Variants in RASGEF1B observed in about 807,000 individuals in gnomAD.
RASGEF1B encodes ras-GEF domain-containing family member 1B.
Under a neutral mutation model 65.7 loss-of-function variants are expected in RASGEF1B, and 30 were observed. That is an observed-to-expected ratio of 0.46 (90% CI 0.34 to 0.62). The LOEUF is 0.62. Among genes scored for constraint, RASGEF1B ranks in the 20% least tolerant of loss-of-function variants. RASGEF1B has a pLI of 0.01. For synonymous variants in RASGEF1B, 175 were observed against 194.8 expected (o/e 0.90, Z 0.85); for missense variants, 495 against 580.1 (o/e 0.85, Z 1.51).
chr4:81,444,909 A>C (rs1721966713), intron 8 of RASGEF1B, among the ~76,000 whole-genome samples: 1 of 152,228 alleles, frequency 6.6e-6, no homozygotes, highest in African/African-American at 2.4e-5. Flanking sequence ...ACAAACTAGG[A>C]CACTTTTTAA....
rs147063099 is a variant in RASGEF1B, at chr4:81,440,246, A to G, written c.1104+588T>C. On this transcript the variant is annotated intron_variant, in intron 10 of 13. Transcript: ENST00000264400. ...CAAAATGTGCCAAGAAAGGACCCTC[A>G]GAATCAAGAATATGGTAGATGCAGG... Among the ~76,000 whole-genome samples, 1,087 of 152,306 alleles carry G rather than the reference A, an allele frequency of 7.1e-3. 12 individuals carry two copies. Among genetic ancestry groups the G allele is most frequent in the African/African-American group, 0.024 (1,004 of 41,556 alleles).
chr4:81,452,008 T>C (rs903857043), intron 4 of RASGEF1B: 9 of 152,272 alleles, frequency 5.9e-5, no homozygotes, highest in Non-Finnish European at 1.0e-4. Flanking sequence ...TGGTCTGCAG[T>C]GCACTTGTGT....
At position 81,465,727 on chromosome 4, in the gene RASGEF1B, G is replaced by A. The variant is rs376652444; in HGVS notation, c.-7+6043C>T. Among the ~76,000 whole-genome samples the A allele has an allele frequency of 7.2e-5, 11 of 152,312 alleles. 1 individual carries two copies. In the South Asian group the frequency reaches 2.1e-3, roughly 29 times the overall value. Reference sequence around the variant, plus strand: ...TTTGCACAATGTTATTTATGATGAAGCAGGTGCACCAGGATAAGGTGGTTT... The same window carrying A: ...TTTGCACAATGTTATTTATGATGAAACAGGTGCACCAGGATAAGGTGGTTT... On this transcript the variant is annotated intron_variant, in intron 1 of 13. Transcript: ENST00000264400.
intron 1 of RASGEF1B, among the ~76,000 whole-genome samples, chr4:81,466,331 T>C (rs980986751): frequency 6.6e-6 from 1 of 152,188 alleles, no homozygotes; most frequent in Non-Finnish European, 1.5e-5. Flanking sequence ...TTGCAGCCTG[T>C]CTCCTTTCGC....
chr4:81,430,240 G>A (rs894856638), intron 13 of RASGEF1B, among the ~76,000 whole-genome samples: 1 of 152,196 alleles, frequency 6.6e-6, no homozygotes, highest in African/African-American at 2.4e-5. Context: ...GGCGGAGCCT[G>A]CAGTGAGCCG....
Position 81,456,917 on chromosome 4 carries a change from C to G in RASGEF1B, c.301-129G>C, listed in dbSNP as rs939560749. On this transcript the variant is annotated intron_variant, in intron 3 of 13. Coordinates refer to ENST00000264400, the MANE Select transcript of RASGEF1B (RefSeq NM_152545.3). ...TTTAGGGATGAAGAAGAAGCTCCAG[C>G]CCCCCTCCCTCCATGTCAATGCCAA... The G allele has an allele frequency of 6.4e-6, 5 of 782,042 alleles. No individual in the cohort carries two copies. In the East Asian group the frequency reaches 1.0e-4, roughly 16 times the overall value. The allele number at this position is 782,042 out of a possible 1,614,324, so 48.4% of individuals were successfully genotyped here.
At chr4:81,464,524 G>C (rs748919886) in intron 1 of RASGEF1B, among the ~76,000 whole-genome samples, 2 of 152,166 alleles carry the variant, frequency 1.3e-5, no homozygotes, top group African/African-American at 4.8e-5. Context: ...TTGTAAGCCA[G>C]TTCTTTACAA....
intron 13 of RASGEF1B, 44 bp from the exon 14 acceptor site, chr4:81,427,836 C>G (rs1293623905): frequency 1.3e-6 from 2 of 1,580,548 alleles, no homozygotes; most frequent in Non-Finnish European, 1.7e-6. Flanking sequence ...ATGTAACAGA[C>G]TACTTGAACT....
At chr4:81,446,482 C>T (rs114973177) in intron 6 of RASGEF1B, among the ~76,000 whole-genome samples, 1,752 of 152,254 alleles carry the variant, frequency 0.012, 33 homozygotes, top group African/African-American at 0.04. Context: ...AAAACAATCC[C>T]GACTCAGATA....
Position 81,435,283 on chromosome 4 carries a change from C to T in RASGEF1B, c.1105-549G>A, listed in dbSNP as rs1252241686. 7.3e-5 allele frequency among the ~76,000 whole-genome samples: 11 copies of T among 150,856 alleles called. 1 individual carries two copies. Among genetic ancestry groups the T allele is most frequent in the South Asian group, 6.3e-4 (3 of 4,778 alleles). On this transcript the variant is annotated intron_variant, in intron 10 of 13. Coordinates refer to ENST00000264400, the MANE Select transcript of RASGEF1B (RefSeq NM_152545.3). ...AAAATTAGCCAGGTGTGGTGGCGGG[C>T]GCCTGTAGTCCCAGCTACTCGGGAG...
In RASGEF1B at chr4:81,457,545, T is replaced by C; in HGVS notation, c.254A>G (p.His85Arg). 1 of 1,614,094 alleles carries C rather than the reference T, an allele frequency of 6.2e-7. No individual in the cohort carries two copies. Among genetic ancestry groups the C allele is most frequent in the Non-Finnish European group, 8.5e-7 (1 of 1,179,996 alleles). The part of the protein sequence containing the change: ...HPYELMAKVC[H>R]LCVEHQRLSD... ...TAGTCTCTGGTGCTCAACACATAAG[T>C]GGCAAACTTTGGCCATTAGCTCATA... is the stretch of plus-strand genomic sequence containing the variant. Residue 85 changes from histidine to arginine, a missense_variant, in exon 3 of 14, where the codon CAC becomes CGC. Physicochemically the swap from His to Arg is conservative, Grantham distance 29 (BLOSUM62 0). Transcript: ENST00000264400.
intron 1 of RASGEF1B, among the ~76,000 whole-genome samples, chr4:81,469,296 A>G (rs1722945811): frequency 6.6e-6 from 1 of 152,162 alleles, no homozygotes; most frequent in African/African-American, 2.4e-5. Flanking sequence ...TCCCAAGCAA[A>G]GAAAAAGACA....
chr4:81,433,463 G>C (rs1721504627), intron 12 of RASGEF1B, among the ~76,000 whole-genome samples: 2 of 151,834 alleles, frequency 1.3e-5, no homozygotes, highest in African/African-American at 2.4e-5. Flanking sequence ...AAACGGCAGG[G>C]GGTAGCAATT....
chr4:81,427,758 C>T lies in RASGEF1B; in HGVS notation c.*10G>A. ...AGCAGCAGCAGCAGCAGGCAGGCAG[C>T]TCCCATGTGTTAAACTCTGCCTAAG... On this transcript the variant is annotated 3_prime_UTR_variant, in exon 14 of 14. Transcript: ENST00000264400. 1 of 1,613,860 alleles carries T rather than the reference C, an allele frequency of 6.2e-7. No homozygotes were observed. Among genetic ancestry groups the T allele is most frequent in the East Asian group, 2.2e-5 (1 of 44,876 alleles).
At chr4:81,429,596 A>T (rs1192091194) in intron 13 of RASGEF1B, among the ~76,000 whole-genome samples, 1 of 152,202 alleles carries the variant, frequency 6.6e-6, no homozygotes, top group African/African-American at 2.4e-5. Flanking sequence ...TCTTGGGCCT[A>T]TAAAAACCCG....
rs146640323 is a variant in RASGEF1B, at chr4:81,439,547, G to C, written c.1104+1287C>G. On this transcript the variant is annotated intron_variant, in intron 10 of 13. Transcript: ENST00000264400. ...TCCACAGCCTCCTCCCTGGGGCAGA[G>C]CCCACCAAGCCCTCACTGAAGCCCA... 3.7e-3 allele frequency among the ~76,000 whole-genome samples: 559 copies of C among 152,256 alleles called. 5 individuals are homozygous for C. Among genetic ancestry groups the C allele is most frequent in the Admixed American group, 6.7e-3 (103 of 15,296 alleles).
At chr4:81,438,357 T>C (rs1035880748) in intron 10 of RASGEF1B, among the ~76,000 whole-genome samples, 3 of 152,206 alleles carry the variant, frequency 2.0e-5, no homozygotes, top group Non-Finnish European at 4.4e-5. Flanking sequence ...ACCATATTGG[T>C]CAGGCTGGTC....
At chr4:81,434,605 C>G in intron 11 of RASGEF1B, 34 bp downstream of exon 11, 1 of 1,309,224 alleles carries the variant, frequency 7.6e-7, no homozygotes, top group Non-Finnish European at 1.1e-6. Context: ...TCTCCTTGTG[C>G]TTGGATTTTT....
At chr4:81,448,509 T>C (rs1440876806) in intron 4 of RASGEF1B, among the ~76,000 whole-genome samples, 1 of 152,032 alleles carries the variant, frequency 6.6e-6, no homozygotes, top group Admixed American at 6.5e-5. Flanking sequence ...CGACTGAGAG[T>C]ACAGTTCAGG....
Sources: allele counts gnomAD v4.1 joint callset (sites outside exome capture counted in the v4.1 genomes callset), GRCh38; gene constraint gnomAD v4.1.1; transcripts MANE v1.5; gene names NCBI Gene and HGNC (gene_info 2026-07-23, HGNC 2026-07-21).